Variants in EYS observed in about 807,000 individuals in gnomAD.
EYS encodes EGF-like photoreceptor maintenance factor.
Under a neutral mutation model 282.1 loss-of-function variants are expected in EYS, and 250 were observed. The ratio of observed to expected loss-of-function variants is 0.89; its 90% CI spans 0.80 to 0.98. The LOEUF (loss-of-function observed/expected upper bound fraction) is 0.98, where lower values mean the gene tolerates loss of function less well. Among genes scored for constraint, EYS ranks in the 50% least tolerant of loss-of-function variants. The probability of loss-of-function intolerance (pLI) is 0.00; values close to 1 mark genes in which losing one functional copy is unlikely to be tolerated. For missense variants in EYS, 4,016 were observed against 3,709.0 expected (o/e 1.08, Z -2.15); for synonymous variants, 1,355 against 1,282.9 (o/e 1.06, Z -1.20).
Position 64,600,566 on chromosome 6 carries a change from C to G in EYS, c.3685-7257G>C, listed in dbSNP as rs528951204. ...CTAGGTTTTTAAAAAGATTTTTCCA[C>G]ACAAAATCAGTATGTAGGGTTCATG... On this transcript the variant is annotated intron_variant, in intron 24 of 42. Transcript: ENST00000503581. Among the ~76,000 whole-genome samples, 7 of 152,150 alleles carry G rather than the reference C, an allele frequency of 4.6e-5. No individual in the cohort carries two copies. The South Asian group carries it at 1.5e-3, about 32-fold the overall frequency.
chr6:63,738,122 CT>C (rs1190334147), intron 41 of EYS, among the ~76,000 whole-genome samples: 2 of 152,132 alleles, frequency 1.3e-5, no homozygotes, highest in Non-Finnish European at 2.9e-5. Flanking sequence ...AATAGGAACA[CT>C]TTTACACTGT....
chr6:65,033,131 T>C (rs555839451), intron 13 of EYS, among the ~76,000 whole-genome samples: 1 of 152,280 alleles, frequency 6.6e-6, no homozygotes, highest in South Asian at 2.1e-4. Flanking sequence ...AGCCAAGTGT[T>C]CAAGATGTGG....
chr6:64,247,577 T>A (rs1266220241), intron 30 of EYS, among the ~76,000 whole-genome samples: 1 of 152,024 alleles, frequency 6.6e-6, no homozygotes, highest in African/African-American at 2.4e-5. Flanking sequence ...AACTCACCCA[T>A]CAATATTATA....
At chr6:65,695,504 C>A (rs1241726640) in intron 1 of EYS, among the ~76,000 whole-genome samples, 1 of 151,814 alleles carries the variant, frequency 6.6e-6, no homozygotes, top group Non-Finnish European at 1.5e-5. Flanking sequence ...CTTCATATAT[C>A]ATGTGATAAA....
At chr6:65,026,838 A>G (rs1051667926) in intron 13 of EYS, among the ~76,000 whole-genome samples, 1 of 151,772 alleles carries the variant, frequency 6.6e-6, no homozygotes, top group African/African-American at 2.4e-5. Context: ...GATTGCTTGA[A>G]TCCGGGAGGC....
At chr6:63,939,564 A>T (rs1034669035) in intron 35 of EYS, among the ~76,000 whole-genome samples, 2 of 152,220 alleles carry the variant, frequency 1.3e-5, no homozygotes, top group East Asian at 3.8e-4. Flanking sequence ...GAATATAAAA[A>T]TATAGCAGAC....
intron 35 of EYS, among the ~76,000 whole-genome samples, chr6:63,895,905 GTTTTTTTTTTTTTT>G (rs10705427): frequency 8.0e-6 from 1 of 124,362 alleles, no homozygotes; most frequent in East Asian, 2.3e-4. Context: ...ATCATGATTT[GTTTTTTTTTTTTTT>G]TTTTTTTTTT....
intron 26 of EYS, among the ~76,000 whole-genome samples, chr6:64,495,099 A>G (rs1039497942): frequency 4.6e-5 from 7 of 151,728 alleles, no homozygotes; most frequent in Non-Finnish European, 1.0e-4. Context: ...AGTAGACTGA[A>G]TAAATGTTTA....
intron 35 of EYS, among the ~76,000 whole-genome samples, chr6:63,905,597 TG>T (rs757760941): frequency 7.2e-5 from 11 of 152,342 alleles, no homozygotes; most frequent in Middle Eastern, 3.4e-3. Context: ...CCCAAAGTGC[TG>T]GGATTACAGG....
intron 19 of EYS, among the ~76,000 whole-genome samples, chr6:64,829,657 C>T (rs1183688339): frequency 6.6e-6 from 1 of 151,858 alleles, no homozygotes; most frequent in African/African-American, 2.4e-5. Flanking sequence ...AACTGAGGTG[C>T]CAGTTCGGAG....
chr6:64,099,718 T>C (rs1432773135), intron 31 of EYS, among the ~76,000 whole-genome samples: 3 of 152,168 alleles, frequency 2.0e-5, no homozygotes, highest in Non-Finnish European at 4.4e-5. Flanking sequence ...ATGGGTCCTT[T>C]CATCTAGAGC....
intron 26 of EYS, among the ~76,000 whole-genome samples, chr6:64,527,557 T>C (rs1454921479): frequency 7.2e-5 from 11 of 151,974 alleles, no homozygotes. Flanking sequence ...ACAAGCTGTT[T>C]TTCTTTCTCT....
chr6:65,277,464 GC>G (rs1768080254), intron 12 of EYS, among the ~76,000 whole-genome samples: 1 of 140,282 alleles, frequency 7.1e-6, no homozygotes, highest in Admixed American at 7.1e-5. Flanking sequence ...AAAAAAAAAA[GC>G]GCCCCGGAAA....
intron 7 of EYS, among the ~76,000 whole-genome samples, chr6:65,397,446 T>C (rs1368863197): frequency 6.6e-6 from 1 of 152,022 alleles, no homozygotes; most frequent in South Asian, 2.1e-4. Flanking sequence ...TTGTCTAGTT[T>C]CCACTTATAA....
intron 15 of EYS, among the ~76,000 whole-genome samples, chr6:64,917,812 A>G (rs989581325): frequency 6.6e-6 from 1 of 152,174 alleles, no homozygotes; most frequent in Non-Finnish European, 1.5e-5. Context: ...AATATACACA[A>G]TTTTTATGTG....
intron 5 of EYS, among the ~76,000 whole-genome samples, chr6:65,453,728 G>C (rs1764496612): frequency 6.6e-6 from 1 of 151,746 alleles, no homozygotes; most frequent in Admixed American, 6.6e-5. Context: ...AAGCTTCTAA[G>C]ATATCAACTT....
intron 22 of EYS, among the ~76,000 whole-genome samples, chr6:64,757,889 G>A (rs895637319): frequency 7.3e-5 from 11 of 151,670 alleles, no homozygotes; most frequent in Non-Finnish European, 1.5e-4. Context: ...GCTTCACGCC[G>A]TTCTCCTGCC....
At chr6:64,350,193 T>C (rs1473975487) in intron 29 of EYS, among the ~76,000 whole-genome samples, 1 of 151,504 alleles carries the variant, frequency 6.6e-6, no homozygotes, top group African/African-American at 2.4e-5. Context: ...GATCATCGTA[T>C]TACTTCAGAT....
At chr6:65,270,466 C>T (rs563358557) in intron 12 of EYS, among the ~76,000 whole-genome samples, 5 of 152,258 alleles carry the variant, frequency 3.3e-5, no homozygotes, top group Admixed American at 6.5e-5. Context: ...TTGAAAGCAA[C>T]GTGAAGTCCC....
Sources: gnomAD v4.1 joint callset for allele counts (sites outside exome capture counted in the v4.1 genomes callset) on GRCh38, gnomAD v4.1.1 for gene constraint, MANE v1.5 for transcripts, NCBI Gene and HGNC (gene_info 2026-07-23, HGNC 2026-07-21) for gene names.